The following MYL1 variants were observed in gnomAD, a reference collection of about 807,000 sequenced individuals.
The protein encoded by MYL1 is myosin light chain 1.
MYL1 carries 16 observed loss-of-function variants against 21.8 expected under a neutral mutation model. The ratio of observed to expected loss-of-function variants is 0.74; its 90% CI spans 0.50 to 1.12. The LOEUF (loss-of-function observed/expected upper bound fraction) is 1.12. Among genes scored for constraint, MYL1 ranks in the 50% most tolerant of loss-of-function variants. The pLI is 0.00. For synonymous variants in MYL1, 99 were observed against 85.2 expected (o/e 1.16, Z -0.89); for missense variants, 246 against 241.0 (o/e 1.02, Z -0.14).
intron 1 of MYL1, among the ~76,000 whole-genome samples, chr2:210,312,636 T>C (rs548664321): frequency 9.2e-5 from 14 of 151,932 alleles, no homozygotes; most frequent in Non-Finnish European, 1.9e-4. Flanking sequence ...ATTGAAGATA[T>C]TTACATTTCT....
At chr2:210,306,014 C>T (rs1006927121) in intron 1 of MYL1, among the ~76,000 whole-genome samples, 28 of 151,094 alleles carry the variant, frequency 1.9e-4, no homozygotes, top group Non-Finnish European at 1.5e-4. Flanking sequence ...GAGCTGAGAT[C>T]GTGCCATTGC....
chr2:210,296,691 G>C (rs1690178965), intron 3 of MYL1, among the ~76,000 whole-genome samples: 2 of 152,028 alleles, frequency 1.3e-5, no homozygotes, highest in Admixed American at 6.6e-5. Flanking sequence ...AGTTACTCAG[G>C]AGGGACTAGA....
intron 2 of MYL1, 31 bp downstream of exon 2, chr2:210,302,457 C>T (rs771240123): frequency 1.3e-6 from 2 of 1,595,050 alleles, no homozygotes; most frequent in Non-Finnish European, 1.7e-6. Context: ...TATGAGTGTG[C>T]ACATTTAAGA....
intron 1 of MYL1, among the ~76,000 whole-genome samples, chr2:210,305,184 C>T (rs1263584092): frequency 3.9e-5 from 6 of 152,120 alleles, no homozygotes; most frequent in Admixed American, 1.3e-4. Flanking sequence ...AAGAAATCAG[C>T]ATTTAATATG....
Position 210,307,881 on chromosome 2 carries a change from A to G in MYL1, c.133-5366T>C, listed in dbSNP as rs1032255824. 1.6e-4 allele frequency among the ~76,000 whole-genome samples: 24 copies of G among 152,190 alleles called. 1 individual carries two copies. The highest frequency in any genetic ancestry group is 4.8e-4 in the African/African-American group (20 of 41,446). ...TTGCCATTACTTTTGTACCAACCTAACAAAGAATTGAGTTATAGAAAAAAT... is the reference window on the plus strand; with the variant it reads ...TTGCCATTACTTTTGTACCAACCTAGCAAAGAATTGAGTTATAGAAAAAAT... On this transcript the variant is annotated intron_variant, in intron 1 of 6. Coordinates refer to ENST00000352451, the MANE Select transcript of MYL1 (RefSeq NM_079420.3).
chr2:210,313,549 A>AT (rs1230300598), intron 1 of MYL1, among the ~76,000 whole-genome samples: 4 of 151,906 alleles, frequency 2.6e-5, no homozygotes, highest in East Asian at 1.9e-4. Context: ...CCTGACATGC[A>AT]TTTTTTTGTC....
intron 5 of MYL1, among the ~76,000 whole-genome samples, chr2:210,291,565 A>C (rs1690076226): frequency 6.6e-6 from 1 of 152,152 alleles, no homozygotes; most frequent in South Asian, 2.1e-4. Flanking sequence ...GACCACATAA[A>C]TATGTTTCTA....
chr2:210,292,859 A>G (rs1690100950), intron 5 of MYL1, among the ~76,000 whole-genome samples: 1 of 152,170 alleles, frequency 6.6e-6, no homozygotes, highest in Admixed American at 6.6e-5. Flanking sequence ...GTATTTATTG[A>G]ATGATTCTCT....
intron 2 of MYL1, among the ~76,000 whole-genome samples, chr2:210,301,926 T>G (rs1001671734): frequency 1.3e-5 from 2 of 152,186 alleles, no homozygotes; most frequent in African/African-American, 4.8e-5. Context: ...GAGTCTGTCT[T>G]GCATATCTCA....
Position 210,308,160 on chromosome 2 carries a change from C to T in MYL1, c.133-5645G>A, listed in dbSNP as rs1690365845. 4.0e-5 allele frequency among the ~76,000 whole-genome samples: 6 copies of T among 151,658 alleles called. 1 individual carries two copies. In the South Asian group the frequency reaches 1.2e-3, roughly 32 times the overall value. ...AGGGCCAGTTTTCAATCAAAGAAAACACTGCTGTGTGCTCTCTGATTTAAC... is the reference window on the plus strand; with the variant it reads ...AGGGCCAGTTTTCAATCAAAGAAAATACTGCTGTGTGCTCTCTGATTTAAC... On this transcript the variant is annotated intron_variant, in intron 1 of 6. Coordinates refer to ENST00000352451, the MANE Select transcript of MYL1 (RefSeq NM_079420.3).
At chr2:210,293,099 G>C (rs1228235662) in intron 5 of MYL1, among the ~76,000 whole-genome samples, 1 of 151,862 alleles carries the variant, frequency 6.6e-6, no homozygotes, top group Non-Finnish European at 1.5e-5. Flanking sequence ...TTTGGGGATA[G>C]AAACATTTTT....
chr2:210,300,237 G>C (rs1690243386), intron 2 of MYL1, among the ~76,000 whole-genome samples: 1 of 152,148 alleles, frequency 6.6e-6, no homozygotes, highest in African/African-American at 2.4e-5. Flanking sequence ...GGCTGTAATA[G>C]AATCACTGTG....
At chr2:210,307,372 T>A (rs566182321) in intron 1 of MYL1, among the ~76,000 whole-genome samples, 2 of 152,318 alleles carry the variant, frequency 1.3e-5, no homozygotes, top group East Asian at 3.9e-4. Context: ...TTAAAATTAT[T>A]AGAACATGTA....
Position 210,293,673 on chromosome 2 carries a change from A to T in MYL1, c.556+50T>A, listed in dbSNP as rs372434277. On this transcript the variant is annotated intron_variant, in intron 5 of 6. Transcript: ENST00000352451. Reference sequence around the variant, plus strand: ...AGAAGCTCAAAAGGAGCCCATCATCAATCTGATCAGTTAAGAGTTGCTGTA... The same window carrying T: ...AGAAGCTCAAAAGGAGCCCATCATCTATCTGATCAGTTAAGAGTTGCTGTA... 9.4e-6 allele frequency: 14 copies of T among 1,496,776 alleles called. No individual in the cohort carries two copies. The African/African-American group carries it at 1.9e-4, about 21-fold the overall frequency. 92.7% of individuals were successfully genotyped at this position (1,496,776 alleles called of 1,614,324 possible).
At position 210,294,242 on chromosome 2, in the gene MYL1, T is replaced by C. The variant is rs571687457; in HGVS notation, c.478+3A>G. 7 of 1,606,790 alleles carry C rather than the reference T, an allele frequency of 4.4e-6. No individual in the cohort carries two copies. Among genetic ancestry groups the C allele is most frequent in the Non-Finnish European group, 5.9e-6 (7 of 1,177,204 alleles). On this transcript the variant is annotated splice_donor_region_variant and intron_variant, in intron 4 of 6. Transcript: ENST00000352451. ...CTAAGTCCACTGAAATAAATTCCCT[T>C]ACCCAGGGTGGCTAGAACATGGCGG... is the stretch of plus-strand genomic sequence containing the variant.
chr2:210,300,499 C>A (rs1350132894), intron 2 of MYL1, among the ~76,000 whole-genome samples: 2 of 152,024 alleles, frequency 1.3e-5, no homozygotes, highest in Admixed American at 1.3e-4. Context: ...TTTACAGAGT[C>A]TATACTGGCA....
At chr2:210,313,139 T>C (rs1184091620) in intron 1 of MYL1, among the ~76,000 whole-genome samples, 1 of 152,042 alleles carries the variant, frequency 6.6e-6, no homozygotes, top group Admixed American at 6.5e-5. Flanking sequence ...TTTTTATTTA[T>C]GTACTCATTC....
chr2:210,295,529 C>T (rs905981131), intron 3 of MYL1, among the ~76,000 whole-genome samples: 2 of 152,020 alleles, frequency 1.3e-5, no homozygotes, highest in African/African-American at 4.8e-5. Flanking sequence ...CCTGTAGTCC[C>T]CAGCTACTTG....
intron 1 of MYL1, among the ~76,000 whole-genome samples, chr2:210,306,692 G>C (rs920757872): frequency 2.0e-5 from 3 of 151,660 alleles, no homozygotes; most frequent in Non-Finnish European, 2.9e-5. Flanking sequence ...AGAATAAATG[G>C]GAAATCCAAT....
Sources: allele counts gnomAD v4.1 joint callset (sites outside exome capture counted in the v4.1 genomes callset), GRCh38; gene constraint gnomAD v4.1.1; transcripts MANE v1.5; gene names NCBI Gene and HGNC (gene_info 2026-07-23, HGNC 2026-07-21).